The following RNF2 variants were observed in gnomAD, a reference collection of about 807,000 sequenced individuals.
The protein encoded by RNF2 is E3 ubiquitin-protein ligase RING2.
A neutral mutation model predicts 37.2 loss-of-function variants in RNF2; 6 were observed. The ratio of observed to expected loss-of-function variants is 0.16; its 90% CI spans 0.09 to 0.32. The LOEUF is 0.32. Among genes scored for constraint, RNF2 ranks in the 10% least tolerant of loss-of-function variants. The pLI, the probability that RNF2 is intolerant of heterozygous loss-of-function variation, is 1.00. For missense variants in RNF2, 251 were observed against 404.0 expected (o/e 0.62, Z 3.25); for synonymous variants, 133 against 132.7 (o/e 1.00, Z -0.02).
chr1:185,098,686 C>G (rs1265467383), intron 5 of RNF2, among the ~76,000 whole-genome samples: 2 of 152,050 alleles, frequency 1.3e-5, no homozygotes, highest in African/African-American at 2.4e-5. Context: ...CTGTTGAGTA[C>G]AGATAAGCAT....
chr1:185,047,091 T>C (rs1225731859), intron 1 of RNF2, among the ~76,000 whole-genome samples: 1 of 152,230 alleles, frequency 6.6e-6, no homozygotes, highest in African/African-American at 2.4e-5. Flanking sequence ...AATAGGTAGT[T>C]ATAGGTGACT....
At chr1:185,067,543 G>C (rs1650832659) in intron 1 of RNF2, among the ~76,000 whole-genome samples, 1 of 152,026 alleles carries the variant, frequency 6.6e-6, no homozygotes. Flanking sequence ...TTATTTTACT[G>C]TGTTCAGAAG....
chr1:185,052,720 G>T (rs959494240), intron 1 of RNF2, among the ~76,000 whole-genome samples: 14 of 152,142 alleles, frequency 9.2e-5, no homozygotes, highest in African/African-American at 3.1e-4. Flanking sequence ...AAAATGAGGT[G>T]ACCATCGTTT....
At position 185,066,657 on chromosome 1, in the gene RNF2, G is replaced by A. The variant is rs926899661; in HGVS notation, c.-2-20895G>A. ...GTTTCCTAAATGGTTGAACTCAACTGGTTTTCATTATGGATCTGTTAGCTT... is the reference window on the plus strand; with the variant it reads ...GTTTCCTAAATGGTTGAACTCAACTAGTTTTCATTATGGATCTGTTAGCTT... On this transcript the variant is annotated intron_variant, in intron 1 of 6. Transcript: ENST00000367510. Among the ~76,000 whole-genome samples the A allele has an allele frequency of 4.6e-5, 7 of 152,266 alleles. No homozygotes were observed. In the East Asian group the frequency reaches 1.4e-3, roughly 29 times the overall value.
chr1:185,060,934 C>T (rs1355620358), intron 1 of RNF2, among the ~76,000 whole-genome samples: 2 of 152,084 alleles, frequency 1.3e-5, no homozygotes, highest in African/African-American at 4.8e-5. Flanking sequence ...GCCTGGGCAA[C>T]ATAGCGAGAT....
At chr1:185,065,146 G>A (rs1054320602) in intron 1 of RNF2, among the ~76,000 whole-genome samples, 1 of 152,066 alleles carries the variant, frequency 6.6e-6, no homozygotes, top group Admixed American at 6.6e-5. Context: ...TCTAGCTAAA[G>A]GATTGTAAAT....
At chr1:185,092,678 A>G in intron 3 of RNF2, among the ~76,000 whole-genome samples, 1 of 152,114 alleles carries the variant, frequency 6.6e-6, no homozygotes, top group East Asian at 1.9e-4. Context: ...TGAAAGTATT[A>G]TTTCAGTAAA....
chr1:185,057,441 A>G (rs1430635518), intron 1 of RNF2, among the ~76,000 whole-genome samples: 1 of 152,144 alleles, frequency 6.6e-6, no homozygotes, highest in African/African-American at 2.4e-5. Flanking sequence ...TGGTTCGTTT[A>G]TAAGTTTTTT....
intron 1 of RNF2, among the ~76,000 whole-genome samples, chr1:185,063,507 C>A (rs934209496): frequency 2.8e-4 from 42 of 152,264 alleles, no homozygotes; most frequent in Non-Finnish European, 5.7e-4. Context: ...AACCGAAGTT[C>A]GCATTTTTTG....
At chr1:185,090,568 A>G (rs1651738119) in intron 2 of RNF2, among the ~76,000 whole-genome samples, 1 of 152,224 alleles carries the variant, frequency 6.6e-6, no homozygotes, top group Non-Finnish European at 1.5e-5. Context: ...TATAGTTTCT[A>G]TATTTTTCTT....
chr1:185,082,624 G>A (rs1434502347), intron 1 of RNF2, among the ~76,000 whole-genome samples: 1 of 151,914 alleles, frequency 6.6e-6, no homozygotes, highest in Non-Finnish European at 1.5e-5. Flanking sequence ...CAAAGTGCTG[G>A]GGTTACAGGC....
At chr1:185,070,623 G>T (rs1299001781) in intron 1 of RNF2, among the ~76,000 whole-genome samples, 2 of 150,866 alleles carry the variant, frequency 1.3e-5, no homozygotes, top group Admixed American at 1.3e-4. Flanking sequence ...TCTGTAGACT[G>T]CAGTATTTTC....
chr1:185,052,098 G>A (rs148645247), intron 1 of RNF2, among the ~76,000 whole-genome samples: 4 of 151,768 alleles, frequency 2.6e-5, no homozygotes, highest in African/African-American at 4.8e-5. Flanking sequence ...TTTCCTCCTC[G>A]TTTGATCTGA....
chr1:185,083,380 G>C (rs1029388806), intron 1 of RNF2, among the ~76,000 whole-genome samples: 1 of 151,922 alleles, frequency 6.6e-6, no homozygotes, highest in African/African-American at 2.4e-5. Context: ...TATAAGTCCC[G>C]TATTTTGTTT....
chr1:185,081,547 C>A (rs977631577), intron 1 of RNF2, among the ~76,000 whole-genome samples: 1 of 145,040 alleles, frequency 6.9e-6, no homozygotes, highest in African/African-American at 2.6e-5. Context: ...GTGTGTGCCA[C>A]CATGCCTGAC....
At chr1:185,061,596 G>A (rs555499693) in intron 1 of RNF2, among the ~76,000 whole-genome samples, 1 of 152,284 alleles carries the variant, frequency 6.6e-6, no homozygotes, top group South Asian at 2.1e-4. Context: ...TTAAGACAGA[G>A]TGGGAAAAAA....
At chr1:185,060,853 C>T (rs1375224836) in intron 1 of RNF2, among the ~76,000 whole-genome samples, 1 of 152,076 alleles carries the variant, frequency 6.6e-6, no homozygotes, top group East Asian at 1.9e-4. Context: ...GCAAGGTGGC[C>T]CACACCTGTA....
intron 1 of RNF2, among the ~76,000 whole-genome samples, chr1:185,080,111 C>T (rs1172723042): frequency 5.9e-5 from 9 of 152,266 alleles, no homozygotes; most frequent in African/African-American, 9.6e-5. Flanking sequence ...CACCTCACTT[C>T]GTATCTTCTT....
chr1:185,086,207 T>C (rs899915142), intron 1 of RNF2, among the ~76,000 whole-genome samples: 3 of 152,204 alleles, frequency 2.0e-5, no homozygotes, highest in Non-Finnish European at 4.4e-5. Flanking sequence ...GTACTCCTGC[T>C]TAGACTTTGT....
Sources: allele counts gnomAD v4.1 joint callset (sites outside exome capture counted in the v4.1 genomes callset), GRCh38; gene constraint gnomAD v4.1.1; transcripts MANE v1.5; gene names NCBI Gene and HGNC (gene_info 2026-07-23, HGNC 2026-07-21).